Variants in CAST observed in about 807,000 individuals in gnomAD.
CAST encodes MIR583 host.
In CAST, 76 loss-of-function variants were observed where a neutral mutation model predicts 119.6. The ratio of observed to expected loss-of-function variants is 0.64; its 90% CI spans 0.53 to 0.77. The LOEUF (loss-of-function observed/expected upper bound fraction) is 0.77. CAST is among the 30% of genes least tolerant of loss of function. The probability of loss-of-function intolerance (pLI) is 0.00; values close to 1 mark genes in which losing one functional copy is unlikely to be tolerated. For missense variants in CAST, 953 were observed against 946.5 expected, an observed-to-expected ratio of 1.01 and a Z score of -0.09; for synonymous variants, 319 against 331.6, an observed-to-expected ratio of 0.96 and a Z score of 0.41.
chr5:95,968,348 T>C, the CAST span, among the ~76,000 whole-genome samples: 2 of 152,212 alleles, frequency 1.3e-5, no homozygotes, highest in Non-Finnish European at 2.9e-5. Flanking sequence ...TTATGTGTGG[T>C]ATATATAATT....
intron 1 of CAST, among the ~76,000 whole-genome samples, chr5:96,555,934 G>C (rs568476706): frequency 6.6e-6 from 1 of 152,240 alleles, no homozygotes; most frequent in Admixed American, 6.5e-5. Flanking sequence ...CTCCTCAAGT[G>C]AGTAGCCTAA....
the CAST span, among the ~76,000 whole-genome samples, chr5:96,383,514 T>G: frequency 6.6e-6 from 1 of 152,288 alleles, no homozygotes; most frequent in East Asian, 1.9e-4. Context: ...TGGCACAATT[T>G]CGGCTCCCTG....
chr5:96,705,419 A>G (rs555930614), intron 3 of CAST, among the ~76,000 whole-genome samples: 84 of 152,292 alleles, frequency 5.5e-4, no homozygotes, highest in Non-Finnish European at 9.7e-4. Flanking sequence ...TCCAATTTTT[A>G]AGGCCACTTT....
chr5:96,080,369 C>G, the CAST span, among the ~76,000 whole-genome samples: 1 of 152,270 alleles, frequency 6.6e-6, no homozygotes, highest in Non-Finnish European at 1.5e-5. Context: ...CTTCTTGAAA[C>G]TTGACAAAAT....
At chr5:96,451,258 C>A in the CAST span, among the ~76,000 whole-genome samples, 2 of 152,178 alleles carry the variant, frequency 1.3e-5, no homozygotes, top group African/African-American at 4.8e-5. Flanking sequence ...CAGGGCTTAG[C>A]ACTATGCAGT....
chr5:96,396,976 AC>A, the CAST span, among the ~76,000 whole-genome samples: 1 of 152,232 alleles, frequency 6.6e-6, no homozygotes, highest in Admixed American at 6.5e-5. Flanking sequence ...AGAATGTCAC[AC>A]CAAAGTTGGT....
chr5:96,744,692 C>T (rs1356789170), intron 16 of CAST, among the ~76,000 whole-genome samples: 1 of 152,050 alleles, frequency 6.6e-6, no homozygotes, highest in African/African-American at 2.4e-5. Flanking sequence ...CTTAGTGGGT[C>T]CTTTACATCC....
rs142957947 is a variant in CAST at position 96,727,062 on chromosome 5, A to G, written c.336+203A>G. Among the ~76,000 whole-genome samples, 329 of 152,308 alleles carry G rather than the reference A, an allele frequency of 2.2e-3. 5 individuals are homozygous for G. Among genetic ancestry groups the G allele is most frequent in the African/African-American group, 7.5e-3 (310 of 41,564 alleles). On this transcript the variant is annotated intron_variant, in intron 5 of 31. Transcript: ENST00000675179. ...TTTCTGTGCCCTCAATTCTGTCACC[A>G]TCCCATTGTTTTACACTGTCAGCCA...
the CAST span, among the ~76,000 whole-genome samples, chr5:96,202,364 AT>A: frequency 6.6e-6 from 1 of 152,138 alleles, no homozygotes; most frequent in African/African-American, 2.4e-5. Context: ...AACAATGAAT[AT>A]TTTTTCCAGT....
At chr5:96,412,296 G>A in the CAST span, 1 of 1,602,912 alleles carries the variant, frequency 6.2e-7, no homozygotes, top group Non-Finnish European at 8.5e-7. Context: ...CATTTCATGT[G>A]GGTCTGTGTA....
intron 2 of CAST, among the ~76,000 whole-genome samples, chr5:96,678,723 C>T (rs1193346715): frequency 6.6e-6 from 1 of 151,888 alleles, no homozygotes; most frequent in Non-Finnish European, 1.5e-5. Context: ...GGCGCGCACC[C>T]GTAGTCCCAC....
upstream of CAST, among the ~76,000 whole-genome samples, chr5:96,520,549 T>C (rs1745499461): frequency 6.6e-6 from 1 of 151,540 alleles, no homozygotes; most frequent in African/African-American, 2.4e-5. Context: ...CTGTGTGTGT[T>C]TGTGGCTAGG....
At chr5:96,074,244 A>G in the CAST span, among the ~76,000 whole-genome samples, 1 of 152,162 alleles carries the variant, frequency 6.6e-6, no homozygotes, top group African/African-American at 2.4e-5. Context: ...TTGTAGGTTA[A>G]CTGATGTTTT....
chr5:96,022,000 T>G, the CAST span, among the ~76,000 whole-genome samples: 2 of 152,338 alleles, frequency 1.3e-5, no homozygotes, highest in African/African-American at 4.8e-5. Context: ...TATACAGACA[T>G]TTTTTCTTTC....
the CAST span, among the ~76,000 whole-genome samples, chr5:96,074,576 T>C: frequency 6.6e-6 from 1 of 152,238 alleles, no homozygotes; most frequent in African/African-American, 2.4e-5. Context: ...CACCACAGTC[T>C]TTGGTATTTT....
the CAST span, among the ~76,000 whole-genome samples, chr5:96,174,663 T>C: frequency 6.6e-6 from 1 of 152,256 alleles, no homozygotes; most frequent in African/African-American, 2.4e-5. Context: ...AATGATACAG[T>C]TGTATACTCT....
chr5:96,528,315 G>A (rs1745631215), upstream of CAST, among the ~76,000 whole-genome samples: 1 of 152,040 alleles, frequency 6.6e-6, no homozygotes, highest in African/African-American at 2.4e-5. Flanking sequence ...TTAGATCAAG[G>A]GACTCAGAGA....
At chr5:96,284,117 G>A in the CAST span, among the ~76,000 whole-genome samples, 2 of 152,094 alleles carry the variant, frequency 1.3e-5, no homozygotes, top group African/African-American at 4.8e-5. Context: ...GAAACTGTAT[G>A]TTTCACAGAG....
chr5:96,051,644 G>A, the CAST span, among the ~76,000 whole-genome samples: 4 of 152,088 alleles, frequency 2.6e-5, no homozygotes, highest in Non-Finnish European at 5.9e-5. Flanking sequence ...CCTTTTAGGG[G>A]AGACCGTCAA....
Sources: gnomAD v4.1 joint callset for allele counts (sites outside exome capture counted in the v4.1 genomes callset) on GRCh38, gnomAD v4.1.1 for gene constraint, MANE v1.5 for transcripts, NCBI Gene and HGNC (gene_info 2026-07-23, HGNC 2026-07-21) for gene names.